Variants in SH3RF1 observed in about 807,000 individuals in gnomAD.
The protein encoded by SH3RF1 is E3 ubiquitin-protein ligase SH3RF1.
Under a neutral mutation model 74.0 loss-of-function variants are expected in SH3RF1, and 32 were observed. The observed-to-expected ratio is 0.43, with a 90% CI of 0.33 to 0.58. The LOEUF (loss-of-function observed/expected upper bound fraction) is 0.58. SH3RF1 is among the 20% of genes least tolerant of loss of function. The pLI, the probability that SH3RF1 is intolerant of heterozygous loss-of-function variation, is 0.05. For missense variants in SH3RF1, 954 were observed against 1,130.9 expected (o/e 0.84, Z 2.24); for synonymous variants, 396 against 439.6 (o/e 0.90, Z 1.24).
intron 2 of SH3RF1, among the ~76,000 whole-genome samples, chr4:169,266,360 G>A (rs185628769): frequency 6.6e-6 from 1 of 152,176 alleles, no homozygotes; most frequent in African/African-American, 2.4e-5. Flanking sequence ...ACTTGGTTGT[G>A]TCAGAACACT....
chr4:169,158,744 A>G (rs1028225608), intron 2 of SH3RF1, among the ~76,000 whole-genome samples: 2 of 152,182 alleles, frequency 1.3e-5, no homozygotes, highest in African/African-American at 4.8e-5. Context: ...CTGCCCCCCG[A>G]CCTGTAAAAA....
chr4:169,231,565 C>CA (rs1418684551), intron 2 of SH3RF1, among the ~76,000 whole-genome samples: 9 of 147,074 alleles, frequency 6.1e-5, no homozygotes, highest in Non-Finnish European at 9.0e-5. Context: ...GACTCCGTCT[C>CA]AAAAAAAAAA....
intron 2 of SH3RF1, among the ~76,000 whole-genome samples, chr4:169,162,257 T>A (rs1334529272): frequency 6.6e-6 from 1 of 152,216 alleles, no homozygotes; most frequent in Non-Finnish European, 1.5e-5. Flanking sequence ...AATAACAGTA[T>A]TTCATGAAAA....
intron 6 of SH3RF1, among the ~76,000 whole-genome samples, chr4:169,124,676 T>C (rs1180643016): frequency 6.6e-6 from 1 of 152,236 alleles, no homozygotes; most frequent in African/African-American, 2.4e-5. Context: ...AAAATCAGAT[T>C]CCTAGATGTT....
At chr4:169,250,161 T>A (rs542659534) in intron 2 of SH3RF1, among the ~76,000 whole-genome samples, 9 of 152,314 alleles carry the variant, frequency 5.9e-5, no homozygotes, top group African/African-American at 2.2e-4. Context: ...AAGCATTCCT[T>A]TCCATGCTCT....
intron 10 of SH3RF1, among the ~76,000 whole-genome samples, chr4:169,108,831 TG>T (rs1733192928): frequency 1.3e-5 from 2 of 152,144 alleles, no homozygotes; most frequent in Admixed American, 1.3e-4. Flanking sequence ...CAGTGCCTAG[TG>T]CAGGGCCCTA....
chr4:169,176,151 G>A (rs1734418176), intron 2 of SH3RF1, among the ~76,000 whole-genome samples: 1 of 152,174 alleles, frequency 6.6e-6, no homozygotes, highest in Non-Finnish European at 1.5e-5. Flanking sequence ...CCAGAACTGT[G>A]AGAAATAAAT....
chr4:169,198,831 C>T (rs1734864114), intron 2 of SH3RF1, among the ~76,000 whole-genome samples: 1 of 151,948 alleles, frequency 6.6e-6, no homozygotes, highest in Non-Finnish European at 1.5e-5. Flanking sequence ...CAATAGAGGC[C>T]AATGGTTTGT....
chr4:169,212,810 C>T (rs529647931), intron 2 of SH3RF1, among the ~76,000 whole-genome samples: 1 of 152,176 alleles, frequency 6.6e-6, no homozygotes, highest in African/African-American at 2.4e-5. Flanking sequence ...CAGAACCATA[C>T]AGCATAATTT....
chr4:169,193,803 G>C (rs1253737973), intron 2 of SH3RF1, among the ~76,000 whole-genome samples: 1 of 152,202 alleles, frequency 6.6e-6, no homozygotes, highest in African/African-American at 2.4e-5. Flanking sequence ...GATGAAAACA[G>C]ATAGAGTCTA....
chr4:169,265,401 T>C (rs149220551), intron 2 of SH3RF1, among the ~76,000 whole-genome samples: 17 of 152,352 alleles, frequency 1.1e-4, no homozygotes, highest in African/African-American at 3.1e-4. Flanking sequence ...ATGAAATCAT[T>C]AAGTAATAAT....
chr4:169,217,916 A>G (rs1257371643), intron 2 of SH3RF1, among the ~76,000 whole-genome samples: 4 of 152,130 alleles, frequency 2.6e-5, no homozygotes, highest in Non-Finnish European at 4.4e-5. Flanking sequence ...GATCTAAGCC[A>G]CTGGGTCTCT....
At chr4:169,194,775 T>C (rs903651801) in intron 2 of SH3RF1, among the ~76,000 whole-genome samples, 4 of 152,200 alleles carry the variant, frequency 2.6e-5, no homozygotes, top group African/African-American at 9.6e-5. Flanking sequence ...TGTACCAGTC[T>C]CCCAAAGTGA....
chr4:169,240,297 A>C (rs1345207129), intron 2 of SH3RF1, among the ~76,000 whole-genome samples: 2 of 151,916 alleles, frequency 1.3e-5, no homozygotes, highest in African/African-American at 4.8e-5. Flanking sequence ...CTGGGCTCAA[A>C]CAGTTCTCCC....
chr4:169,167,443 T>C (rs912792284), intron 2 of SH3RF1, among the ~76,000 whole-genome samples: 2 of 152,152 alleles, frequency 1.3e-5, no homozygotes, highest in Admixed American at 1.3e-4. Context: ...CTCTTAGGTA[T>C]TAACCCAAGA....
At chr4:169,218,027 A>G (rs1730494182) in intron 2 of SH3RF1, among the ~76,000 whole-genome samples, 1 of 151,706 alleles carries the variant, frequency 6.6e-6, no homozygotes, top group African/African-American at 2.4e-5. Flanking sequence ...TTAAATGTGA[A>G]TGCTATTATC....
chr4:169,139,445 C>G (rs988594185), intron 4 of SH3RF1, among the ~76,000 whole-genome samples: 1 of 152,160 alleles, frequency 6.6e-6, no homozygotes, highest in African/African-American at 2.4e-5. Flanking sequence ...GTAGTTCTTT[C>G]TTTTAAATTG....
intron 4 of SH3RF1, among the ~76,000 whole-genome samples, chr4:169,145,933 ATATTCTATATAT>A (rs1180556253): frequency 7.4e-6 from 1 of 135,194 alleles, no homozygotes; most frequent in Non-Finnish European, 1.6e-5. Context: ...AAAATATTAC[ATATTCTATATAT>A]TATTCTATAT....
At chr4:169,253,920 A>C (rs909371596) in intron 2 of SH3RF1, among the ~76,000 whole-genome samples, 1 of 152,212 alleles carries the variant, frequency 6.6e-6, no homozygotes, top group African/African-American at 2.4e-5. Flanking sequence ...ACTCAGCAGA[A>C]CATTCTTTCT....
Sources: allele counts gnomAD v4.1 joint callset (sites outside exome capture counted in the v4.1 genomes callset), GRCh38; gene constraint gnomAD v4.1.1; transcripts MANE v1.5; gene names NCBI Gene and HGNC (gene_info 2026-07-23, HGNC 2026-07-21).